Variants in GRIP1 observed in about 807,000 individuals in gnomAD.
GRIP1 encodes the protein glutamate receptor interacting protein 1.
Under a neutral mutation model 129.9 loss-of-function variants are expected in GRIP1, and 45 were observed. The ratio of observed to expected loss-of-function variants is 0.35; its 90% confidence interval spans 0.27 to 0.44. The LOEUF is 0.44. Ranked by LOEUF, GRIP1 falls within the 20% of genes least tolerant of loss-of-function variation. The pLI, the probability that GRIP1 is intolerant of heterozygous loss-of-function variation, is 1.00. For missense variants in GRIP1, 1,196 were observed against 1,396.8 expected, an observed-to-expected ratio of 0.86 and a Z score of 2.29; for synonymous variants, 530 against 520.8, an observed-to-expected ratio of 1.02 and a Z score of -0.24.
chr12:66,734,295 C>T (rs1005256092), intron 1 of GRIP1, among the ~76,000 whole-genome samples: 6 of 152,154 alleles, frequency 3.9e-5, no homozygotes, highest in Admixed American at 1.3e-4. Context: ...TCCAACTATG[C>T]GCTTTTCCTT....
intron 1 of GRIP1, among the ~76,000 whole-genome samples, chr12:66,966,485 A>G (rs2042000313): frequency 6.6e-6 from 1 of 152,164 alleles, no homozygotes; most frequent in Admixed American, 6.6e-5. Flanking sequence ...ATCATTATTA[A>G]CTAAAGTCCA....
chr12:66,431,988 A>G (rs1038283250), intron 14 of GRIP1, among the ~76,000 whole-genome samples: 1 of 152,190 alleles, frequency 6.6e-6, no homozygotes, highest in Non-Finnish European at 1.5e-5. Flanking sequence ...AGTCTTGTGA[A>G]AAGGATTATA....
At chr12:66,679,222 G>A (rs1247581549), upstream of GRIP1, 6 of 996,816 alleles carry the variant, frequency 6.0e-6, no homozygotes, top group African/African-American at 8.3e-5. Context: ...ACTGTGTGAG[G>A]AGCCATTCCA....
chr12:66,859,667 A>G (rs1268828084), intron 1 of GRIP1, among the ~76,000 whole-genome samples: 1 of 152,070 alleles, frequency 6.6e-6, no homozygotes, highest in Admixed American at 6.6e-5. Flanking sequence ...GCAGTATCAT[A>G]TAAGTGTAGG....
At chr12:66,875,436 C>T (rs1223695354) in intron 1 of GRIP1, among the ~76,000 whole-genome samples, 4 of 152,082 alleles carry the variant, frequency 2.6e-5, no homozygotes. Flanking sequence ...GGTTACATAG[C>T]TGCAAAATCC....
At chr12:66,566,045 T>C (rs2062744143) in intron 2 of GRIP1, among the ~76,000 whole-genome samples, 1 of 152,228 alleles carries the variant, frequency 6.6e-6, no homozygotes, top group Admixed American at 6.5e-5. Context: ...GTTTTCTAAA[T>C]ATACAATCAT....
intron 1 of GRIP1, among the ~76,000 whole-genome samples, chr12:66,972,017 C>T (rs1157288620): frequency 6.6e-6 from 1 of 152,084 alleles, no homozygotes; most frequent in Non-Finnish European, 1.5e-5. Context: ...ACCGCGAGGA[C>T]CTTGTTGTTA....
chr12:66,987,690 A>G (rs890115350), intron 1 of GRIP1, among the ~76,000 whole-genome samples: 1 of 152,226 alleles, frequency 6.6e-6, no homozygotes, highest in African/African-American at 2.4e-5. Flanking sequence ...CAGCTTGCTA[A>G]GCTGACCTTT....
At chr12:66,891,552 A>G (rs145215570) in intron 1 of GRIP1, among the ~76,000 whole-genome samples, 3 of 152,258 alleles carry the variant, frequency 2.0e-5, no homozygotes, top group East Asian at 3.9e-4. Context: ...GTAGAAGAGG[A>G]GTATCTGCAT....
rs1023814502 is a variant in GRIP1, at chr12:66,792,397, A to G, written c.-420+11656T>C. Among the ~76,000 whole-genome samples the G allele has an allele frequency of 3.3e-5, 5 of 152,138 alleles. No individual in the cohort carries two copies. The South Asian group carries it at 1.0e-3, about 32-fold the overall frequency. On this transcript the variant is annotated intron_variant, in intron 1 of 4. Coordinates refer to the GRIP1 transcript ENST00000538373. The stretch of plus-strand genomic sequence containing the variant: ...GCTGGGATTACAGGAACGCACCACT[A>G]TGACTGGCTAATTTTAAAATTTTTT...
intron 9 of GRIP1, among the ~76,000 whole-genome samples, chr12:66,458,929 T>C (rs2059051624): frequency 6.6e-6 from 1 of 152,218 alleles, no homozygotes; most frequent in South Asian, 2.1e-4. Flanking sequence ...CTCAGAGAAG[T>C]TGTTGCTGAT....
intron 23 of GRIP1, among the ~76,000 whole-genome samples, chr12:66,368,864 A>T (rs943231779): frequency 1.3e-5 from 2 of 152,202 alleles, no homozygotes; most frequent in African/African-American, 4.8e-5. Context: ...TCTCCTCCCC[A>T]GCACTTCAAA....
At chr12:66,775,844 G>A (rs1038039769) in intron 1 of GRIP1, among the ~76,000 whole-genome samples, 15 of 152,160 alleles carry the variant, frequency 9.9e-5, no homozygotes, top group African/African-American at 3.6e-4. Context: ...GTTTTCTGTG[G>A]TCAAATCAAT....
chr12:66,430,095 T>C (rs1182313431), intron 14 of GRIP1, among the ~76,000 whole-genome samples: 1 of 152,266 alleles, frequency 6.6e-6, no homozygotes, highest in East Asian at 1.9e-4. Flanking sequence ...AAGCTTCTTA[T>C]TCATTCACTC....
intron 1 of GRIP1, among the ~76,000 whole-genome samples, chr12:66,926,689 T>G (rs1186801199): frequency 6.6e-6 from 1 of 152,210 alleles, no homozygotes; most frequent in African/African-American, 2.4e-5. Context: ...CTTCAGACAC[T>G]AAAGAGGGCA....
At chr12:66,970,984 C>T (rs1258650074) in intron 1 of GRIP1, among the ~76,000 whole-genome samples, 3 of 152,258 alleles carry the variant, frequency 2.0e-5, no homozygotes, top group East Asian at 1.9e-4. Context: ...CAGGGTCTAT[C>T]TTGGCTCTTT....
chr12:67,046,685 A>G (rs977190965), intron 1 of GRIP1, among the ~76,000 whole-genome samples: 1 of 152,150 alleles, frequency 6.6e-6, no homozygotes, highest in Non-Finnish European at 1.5e-5. Context: ...ACAATCCCTA[A>G]ACTTAAAAGA....
intron 1 of GRIP1, among the ~76,000 whole-genome samples, chr12:66,786,346 C>G (rs959800487): frequency 1.3e-5 from 2 of 152,104 alleles, no homozygotes; most frequent in African/African-American, 4.8e-5. Flanking sequence ...TGCATGGATA[C>G]CACAGAACTT....
intron 1 of GRIP1, among the ~76,000 whole-genome samples, chr12:66,847,571 G>A (rs1346079012): frequency 3.3e-5 from 5 of 152,090 alleles, no homozygotes; most frequent in Non-Finnish European, 2.9e-5. Flanking sequence ...TAGTACTTAT[G>A]TATGTCATTA....
Sources: allele counts gnomAD v4.1 joint callset (sites outside exome capture counted in the v4.1 genomes callset), GRCh38; gene constraint gnomAD v4.1.1; transcripts MANE v1.5; gene names NCBI Gene and HGNC (gene_info 2026-07-23, HGNC 2026-07-21).